Variants in RASGEF1C observed in about 807,000 individuals in gnomAD.
RASGEF1C encodes the protein ras-GEF domain-containing family member 1C.
A neutral mutation model predicts 58.1 loss-of-function variants in RASGEF1C; 27 were observed. The ratio of observed to expected loss-of-function variants is 0.46; its 90% CI spans 0.34 to 0.64. The LOEUF is 0.64. Among genes scored for constraint, RASGEF1C ranks in the 30% least tolerant of loss-of-function variants. The pLI is 0.01. For missense variants in RASGEF1C, 502 were observed against 605.1 expected (o/e 0.83, Z 1.79); for synonymous variants, 243 against 246.3 (o/e 0.99, Z 0.13).
rs1373435627 is a variant in RASGEF1C at position 180,194,580 on chromosome 5, A to AT, written c.-7+14447dup. Among the ~76,000 whole-genome samples the AT allele has an allele frequency of 3.9e-5, 6 of 152,262 alleles. No individual in the cohort carries two copies. In the East Asian group the frequency reaches 1.2e-3, roughly 29 times the overall value. On this transcript the variant is annotated intron_variant, in intron 1 of 13. Transcript: ENST00000361132. ...GTTCACAAAAACCACTGAGTGTACC[A>AT]TTTTTTATTCTCAAGGGGCTTGTCA...
intron 7 of RASGEF1C, 89 bp from the exon 8 acceptor site, chr5:180,119,537 T>C (rs1357255330): frequency 2.1e-6 from 2 of 961,382 alleles, no homozygotes; most frequent in Non-Finnish European, 3.3e-6. Context: ...CGCTTCACCT[T>C]CTCTAAACCC....
intron 1 of RASGEF1C, among the ~76,000 whole-genome samples, chr5:180,153,996 C>T (rs1274235848): frequency 6.6e-6 from 1 of 152,170 alleles, no homozygotes; most frequent in Non-Finnish European, 1.5e-5. Context: ...GTCCCAGAAG[C>T]CCCAGGATGT....
chr5:180,104,502 T>TAC (rs1171334813), intron 12 of RASGEF1C, among the ~76,000 whole-genome samples: 1 of 152,200 alleles, frequency 6.6e-6, no homozygotes, highest in African/African-American at 2.4e-5. Flanking sequence ...ACTGTAGATA[T>TAC]ATATATATAA....
chr5:180,164,736 T>G (rs968377059), intron 1 of RASGEF1C, among the ~76,000 whole-genome samples: 2 of 152,254 alleles, frequency 1.3e-5, no homozygotes, highest in African/African-American at 4.8e-5. Context: ...AATATTCCAT[T>G]TGCACTTGAA....
chr5:180,126,569 G>A (rs1350596163), intron 6 of RASGEF1C, among the ~76,000 whole-genome samples: 1 of 152,006 alleles, frequency 6.6e-6, no homozygotes, highest in African/African-American at 2.4e-5. Flanking sequence ...ACACACTCTC[G>A]CCCCTGCTCT....
Position 180,147,316 on chromosome 5 carries a change from TC to T in RASGEF1C, c.-6-9259del, listed in dbSNP as rs202214239. Among the ~76,000 whole-genome samples, 1,192 of 152,126 alleles carry T rather than the reference TC, an allele frequency of 7.8e-3. 14 individuals carry two copies. The highest frequency in any genetic ancestry group is 0.011 in the Non-Finnish European group (727 of 67,990). On this transcript the variant is annotated intron_variant, in intron 1 of 13. Coordinates refer to ENST00000361132, the MANE Select transcript of RASGEF1C (RefSeq NM_175062.4). The stretch of plus-strand genomic sequence containing the variant: ...TCTCTTTTATTTATCTCTTCTCTAA[TC>T]TTTATAATTTCCCTCCTTCTGCTAG...
At chr5:180,118,475 G>A (rs1402107467) in intron 10 of RASGEF1C, 134 bp downstream of exon 10, 6 of 792,738 alleles carry the variant, frequency 7.6e-6, no homozygotes, top group Non-Finnish European at 1.2e-5. Context: ...TCCCCACGCT[G>A]GAGGCACGCA....
intron 11 of RASGEF1C, among the ~76,000 whole-genome samples, chr5:180,113,373 G>A (rs1222614640): frequency 3.8e-5 from 2 of 53,216 alleles, no homozygotes; most frequent in African/African-American, 7.4e-5. Context: ...CGGGATGGAC[G>A]GAGGGACCGG....
At chr5:180,199,099 G>A (rs1176717222) in intron 1 of RASGEF1C, among the ~76,000 whole-genome samples, 1 of 152,148 alleles carries the variant, frequency 6.6e-6, no homozygotes, top group Non-Finnish European at 1.5e-5. Context: ...ACCCCCTGCT[G>A]GCAGACATGC....
At chr5:180,112,094 G>A (rs1765968526) in intron 11 of RASGEF1C, among the ~76,000 whole-genome samples, 1 of 152,154 alleles carries the variant, frequency 6.6e-6, no homozygotes, top group African/African-American at 2.4e-5. Flanking sequence ...CAAGCACCTT[G>A]TAGTCTTACC....
chr5:180,108,351 G>A (rs1320953301), intron 12 of RASGEF1C, among the ~76,000 whole-genome samples: 3 of 151,746 alleles, frequency 2.0e-5, no homozygotes, highest in Non-Finnish European at 2.9e-5. Context: ...ACAGGTGCCC[G>A]ACACCACGCT....
At chr5:180,145,806 C>A (rs374534277) in intron 1 of RASGEF1C, among the ~76,000 whole-genome samples, 5 of 152,154 alleles carry the variant, frequency 3.3e-5, no homozygotes, top group Non-Finnish European at 5.9e-5. Context: ...GCTCACGCTT[C>A]GAGCATGGCT....
intron 10 of RASGEF1C, among the ~76,000 whole-genome samples, chr5:180,117,696 T>C (rs139342697): frequency 6.6e-6 from 1 of 152,230 alleles, no homozygotes; most frequent in Admixed American, 6.5e-5. Context: ...TGCAGGGATA[T>C]AAGAATACAG....
At chr5:180,150,892 A>G (rs1295055376) in intron 1 of RASGEF1C, among the ~76,000 whole-genome samples, 2 of 151,874 alleles carry the variant, frequency 1.3e-5, no homozygotes, top group Admixed American at 1.3e-4. Flanking sequence ...ATCAATGTGC[A>G]AAAATCACAA....
At chr5:180,185,412 C>G (rs1756015769) in intron 1 of RASGEF1C, among the ~76,000 whole-genome samples, 1 of 151,892 alleles carries the variant, frequency 6.6e-6, no homozygotes, top group Admixed American at 6.6e-5. Flanking sequence ...TGGTGAAATC[C>G]CATCTCTACT....
rs370166391 is a variant in RASGEF1C at position 180,111,461 on chromosome 5, C to G, written c.1299G>C (p.Glu433Asp). 1.9e-6 allele frequency: 3 copies of G among 1,614,090 alleles called. No individual in the cohort carries two copies. Among genetic ancestry groups the G allele is most frequent in the Non-Finnish European group, 2.5e-6 (3 of 1,180,024 alleles). The change falls in exon 12 of 14, where the codon GAG (glutamate) becomes GAC (aspartate). Residue 433 changes from glutamate (E) to aspartate (D), a missense_variant. Coordinates refer to ENST00000361132, the MANE Select transcript of RASGEF1C (RefSeq NM_175062.4). ...AGGGCTGCAGGGCTACCTTACCATC[C>G]TCACTGAAGATGGGGGCGGTGTACA... ...HYLYTAPIFS[E>D]DGLYLASYES...
rs965601248 is a variant in RASGEF1C at position 180,143,644 on chromosome 5, C to G, written c.-6-5586G>C. The stretch of plus-strand genomic sequence containing the variant: ...CAGGACATCCAGGACTCCTGACTTA[C>G]GTTTCATATTGTGATTGTAAGGGTG... On this transcript the variant is annotated intron_variant, in intron 1 of 13. Coordinates refer to ENST00000361132, the MANE Select transcript of RASGEF1C (RefSeq NM_175062.4). This position sits in a 1 kb window ranked among gnomAD's most constrained non-coding sequence, Gnocchi z 4.3. Among the ~76,000 whole-genome samples, 1 of 152,182 alleles carries G rather than the reference C, an allele frequency of 6.6e-6. No individual in the cohort carries two copies. Among genetic ancestry groups the G allele is most frequent in the Non-Finnish European group, 1.5e-5 (1 of 68,034 alleles).
intron 1 of RASGEF1C, among the ~76,000 whole-genome samples, chr5:180,139,817 C>T (rs10903248): frequency 0.014 from 2,121 of 152,254 alleles, 44 homozygotes; most frequent in African/African-American, 0.048. Context: ...TGCCCAGGGC[C>T]CGGCAGCTCA....
chr5:180,133,587 C>A (rs548599744), intron 4 of RASGEF1C, among the ~76,000 whole-genome samples: 21 of 152,066 alleles, frequency 1.4e-4, no homozygotes, highest in Admixed American at 4.6e-4. Context: ...TTTATTCCAC[C>A]CCACCCTTGT....
Sources: gnomAD v4.1 joint callset for allele counts (sites outside exome capture counted in the v4.1 genomes callset) on GRCh38, gnomAD v4.1.1 for gene constraint, Gnocchi (gnomAD v3.1) non-coding constraint, MANE v1.5 for transcripts, NCBI Gene and HGNC (gene_info 2026-07-23, HGNC 2026-07-21) for gene names.